Variants in PLEKHA8 observed in about 807,000 individuals in gnomAD.
The protein encoded by PLEKHA8 is pleckstrin homology domain-containing family A member 8.
A neutral mutation model predicts 68.2 loss-of-function variants in PLEKHA8; 36 were observed. That is an observed-to-expected ratio of 0.53 (90% CI 0.40 to 0.70). The LOEUF (loss-of-function observed/expected upper bound fraction) is 0.70. Among genes scored for constraint, PLEKHA8 ranks in the 30% least tolerant of loss-of-function variants. The pLI is 0.00. For missense variants in PLEKHA8, 505 were observed against 615.4 expected, an observed-to-expected ratio of 0.82 and a Z score of 1.90; for synonymous variants, 211 against 216.1, an observed-to-expected ratio of 0.98 and a Z score of 0.20.
At chr7:30,106,459 C>A (rs1365464536) in intron 13 of PLEKHA8, among the ~76,000 whole-genome samples, 3 of 152,186 alleles carry the variant, frequency 2.0e-5, no homozygotes, top group Non-Finnish European at 4.4e-5. Flanking sequence ...GTCTTGGAAT[C>A]ATTCAGGCTA....
At chr7:30,068,386 T>C (rs1015056276) in intron 12 of PLEKHA8, among the ~76,000 whole-genome samples, 4 of 152,344 alleles carry the variant, frequency 2.6e-5, no homozygotes, top group Admixed American at 2.0e-4. Flanking sequence ...TTTTAGCACT[T>C]GTCATTGTCA....
chr7:30,123,610 C>T (rs1796727548), intron 13 of PLEKHA8, among the ~76,000 whole-genome samples: 1 of 152,156 alleles, frequency 6.6e-6, no homozygotes, highest in African/African-American at 2.4e-5. Flanking sequence ...GGCACTTAGA[C>T]AGAAGGAGAG....
chr7:30,095,455 T>C (rs1172085079), downstream of PLEKHA8, among the ~76,000 whole-genome samples: 2 of 152,214 alleles, frequency 1.3e-5, no homozygotes, highest in Non-Finnish European at 2.9e-5. Flanking sequence ...GTTGCAAAAA[T>C]TTTCTCCCAT....
intron 12 of PLEKHA8, among the ~76,000 whole-genome samples, chr7:30,071,219 C>T (rs1794215437): frequency 6.6e-6 from 1 of 152,146 alleles, no homozygotes; most frequent in African/African-American, 2.4e-5. Flanking sequence ...TCCACTGTGC[C>T]TTAGGTGGAA....
Position 30,078,774 on chromosome 7 carries a change from A to G in PLEKHA8, c.1547A>G (p.Asp516Gly), listed in dbSNP as rs571031808. ...TATGAGGTCCACGGGCTGGAATCTG[A>G]TGAGGTGGTATGATGGCTGCTGGGC... The part of the protein sequence containing the change: ...TLYEVHGLES[D>G]EVV Residue 516 changes from aspartate to glycine, a missense_variant, in exon 14 of 14, where the codon GAT becomes GGT. Coordinates refer to ENST00000449726, the MANE Select transcript of PLEKHA8 (RefSeq NM_001197026.2). The G allele has an allele frequency of 1.2e-6, 2 of 1,613,368 alleles. No homozygotes were observed. Among genetic ancestry groups the G allele is most frequent in the East Asian group, 4.5e-5 (2 of 44,864 alleles).
downstream of PLEKHA8, among the ~76,000 whole-genome samples, chr7:30,086,662 T>A (rs1178288248): frequency 1.3e-5 from 2 of 152,200 alleles, no homozygotes; most frequent in East Asian, 3.8e-4. Flanking sequence ...TGTTCTACCA[T>A]CACTCTATGA....
Position 30,083,044 on chromosome 7 carries a change from A to G in PLEKHA8, c.*4257A>G, listed in dbSNP as rs1242581317. 2.0e-6 allele frequency: 2 copies of G among 982,184 alleles called. No homozygotes were observed. The highest frequency in any genetic ancestry group is 3.5e-5 in the African/African-American group (2 of 57,152). 60.8% of individuals were successfully genotyped at this position (982,184 alleles called of 1,614,324 possible). ...TTCATTTCTTTTTTTAAGATAATCT[A>G]TCAACCTTTTTTAAATTTTAAAATT... On this transcript the variant is annotated 3_prime_UTR_variant, in exon 14 of 14. Transcript: ENST00000449726.
At position 30,028,673 on chromosome 7, in the gene PLEKHA8, G is replaced by C; in HGVS notation, c.-90G>C. ...GGGAGTGGGCGTCTGGGCAGCGCCAGGCGATGGCCCTGCTGCTGGTGCTCC... is the reference window on the plus strand; with the variant it reads ...GGGAGTGGGCGTCTGGGCAGCGCCACGCGATGGCCCTGCTGCTGGTGCTCC... On this transcript the variant is annotated 5_prime_UTR_variant, in exon 1 of 14. Transcript: ENST00000449726. 2.9e-6 allele frequency: 3 copies of C among 1,041,096 alleles called. No homozygotes were observed. In the East Asian group the frequency reaches 9.8e-5, roughly 34 times the overall value. The allele number at this position is 1,041,096 out of a possible 1,614,324, so 64.5% of individuals were successfully genotyped here.
In PLEKHA8 at chr7:30,046,232, C is replaced by A. The variant is rs1166367750; in HGVS notation, c.180C>A (p.Arg60=). Residue 60 remains arginine (R), a synonymous_variant, in exon 3 of 14, where the codon CGC becomes CGA. Coordinates refer to ENST00000449726, the MANE Select transcript of PLEKHA8 (RefSeq NM_001197026.2). ...CAGTTCATTCTGTAGATAATACACGCATGGACCTGATAATCCCTGGGGAAC... is the reference window on the plus strand; with the variant it reads ...CAGTTCATTCTGTAGATAATACACGAATGGACCTGATAATCCCTGGGGAAC... The part of the protein sequence containing the change: ...EIQVHSVDNT[R]MDLIIPGEQY... 5.0e-6 allele frequency: 8 copies of A among 1,611,810 alleles called. No individual in the cohort carries two copies. The South Asian group carries it at 8.8e-5, about 18-fold the overall frequency.
intron 13 of PLEKHA8, among the ~76,000 whole-genome samples, chr7:30,108,662 A>G (rs1234970198): frequency 6.6e-6 from 1 of 152,138 alleles, no homozygotes; most frequent in Non-Finnish European, 1.5e-5. Flanking sequence ...TATGGGTTTT[A>G]AGTAGAATTG....
downstream of PLEKHA8, among the ~76,000 whole-genome samples, chr7:30,088,870 A>G (rs368414117): frequency 9.5e-5 from 12 of 126,292 alleles, no homozygotes; most frequent in African/African-American, 3.6e-4. Flanking sequence ...TAGGGGCAGG[A>G]TGAGTATCTT....
rs1790387618 is a variant in PLEKHA8 at position 30,028,595 on chromosome 7, C to T, written c.-168C>T. The T allele has an allele frequency of 4.6e-6, 2 of 438,096 alleles. No individual in the cohort carries two copies. The highest frequency in any genetic ancestry group is 7.5e-6 in the Non-Finnish European group (2 of 266,652). 27.1% of individuals were successfully genotyped at this position (438,096 alleles called of 1,614,324 possible). A position where few individuals can be genotyped will look rare whatever the true frequency, so the allele number is the denominator to read the frequency against. On this transcript the variant is annotated 5_prime_UTR_variant, in exon 1 of 14. Transcript: ENST00000449726. ...CGAGGCCGCCGCAGTGACCCCGCCC[C>T]CGGGCCGAGGATGTGAGGCGGGCCG...
chr7:30,048,811 C>T (rs1036233615), intron 4 of PLEKHA8, among the ~76,000 whole-genome samples: 5 of 151,472 alleles, frequency 3.3e-5, no homozygotes, highest in Non-Finnish European at 7.4e-5. Flanking sequence ...CATTCAGCAG[C>T]TGCCTCATAT....
At position 30,062,812 on chromosome 7, in the gene PLEKHA8, A is replaced by G. The variant is rs1793546133; in HGVS notation, c.1300+70A>G. On this transcript the variant is annotated intron_variant, in intron 12 of 13. Transcript: ENST00000449726. ...AATGGAGACCCCTAGAGGAGGATAC[A>G]GGGTATAGGGGATATTTCTGCTTTT... 8.0e-6 allele frequency: 9 copies of G among 1,125,958 alleles called. 2 individuals are homozygous for G. The South Asian group carries it at 1.1e-4, about 14-fold the overall frequency. 69.7% of individuals were successfully genotyped at this position (1,125,958 alleles called of 1,614,324 possible). A position where few individuals can be genotyped will look rare whatever the true frequency, so the allele number is the denominator to read the frequency against.
chr7:30,057,480 CAG>C (rs1793089557), intron 9 of PLEKHA8, among the ~76,000 whole-genome samples: 2 of 149,210 alleles, frequency 1.3e-5, no homozygotes, highest in Admixed American at 6.7e-5. Flanking sequence ...TTTCTTGAGA[CAG>C]AGTCTTGCTC....
At chr7:30,106,104 G>T (rs1796046177) in intron 13 of PLEKHA8, among the ~76,000 whole-genome samples, 1 of 150,980 alleles carries the variant, frequency 6.6e-6, no homozygotes, top group Non-Finnish European at 1.5e-5. Context: ...TGTTGCTCAG[G>T]CTGGAGTGCA....
intron 1 of PLEKHA8, among the ~76,000 whole-genome samples, chr7:30,041,075 C>G (rs1791492931): frequency 1.3e-5 from 2 of 152,188 alleles, no homozygotes; most frequent in Admixed American, 6.5e-5. Context: ...CCTCTTTTCT[C>G]TACAATTCAT....
At chr7:30,118,128 C>T (rs1414228438) in intron 13 of PLEKHA8, 18 of 1,077,410 alleles carry the variant, frequency 1.7e-5, no homozygotes, top group Non-Finnish European at 2.1e-5. Flanking sequence ...AATGCCTCTC[C>T]TGGGCCAGGA....
intron 13 of PLEKHA8, among the ~76,000 whole-genome samples, chr7:30,099,833 G>A (rs1795783768): frequency 6.6e-6 from 1 of 152,162 alleles, no homozygotes; most frequent in Non-Finnish European, 1.5e-5. Context: ...TGAACAGCTT[G>A]TATAACAAAG....
Sources: gnomAD v4.1 joint callset for allele counts (sites outside exome capture counted in the v4.1 genomes callset) on GRCh38, gnomAD v4.1.1 for gene constraint, MANE v1.5 for transcripts, NCBI Gene and HGNC (gene_info 2026-07-23, HGNC 2026-07-21) for gene names.